The following ADGRL3 variants were observed in gnomAD, a reference collection of about 807,000 sequenced individuals.
The protein encoded by ADGRL3 is adhesion G protein-coupled receptor L3.
A neutral mutation model predicts 153.5 loss-of-function variants in ADGRL3; 62 were observed. That is an observed-to-expected ratio of 0.40 (90% confidence interval 0.33 to 0.50). The LOEUF (loss-of-function observed/expected upper bound fraction) is 0.50, where lower values mean the gene tolerates loss of function less well. Ranked by LOEUF, ADGRL3 falls within the 20% of genes least tolerant of loss-of-function variation. The pLI is 0.47. For missense variants in ADGRL3, 1,641 were observed against 1,859.4 expected, an observed-to-expected ratio of 0.88 and a Z score of 2.16; for synonymous variants, 710 against 672.5, an observed-to-expected ratio of 1.06 and a Z score of -0.86.
intron 8 of ADGRL3, among the ~76,000 whole-genome samples, chr4:61,758,604 G>T (rs1425028333): frequency 6.6e-6 from 1 of 152,098 alleles, no homozygotes; most frequent in Non-Finnish European, 1.5e-5. Flanking sequence ...CCTGAATACA[G>T]CACACTGATG....
intron 5 of ADGRL3, among the ~76,000 whole-genome samples, chr4:61,620,593 T>G (rs1463506221): frequency 6.6e-6 from 1 of 151,960 alleles, no homozygotes. Flanking sequence ...TTTAGCTGGC[T>G]TTTCTAATCT....
intron 1 of ADGRL3, among the ~76,000 whole-genome samples, chr4:61,377,705 T>G (rs1041638217): frequency 6.6e-6 from 1 of 151,982 alleles, no homozygotes; most frequent in Non-Finnish European, 1.5e-5. Context: ...TCCTCTATTC[T>G]TTCCTTCATT....
chr4:61,836,699 T>C (rs1482580989), intron 9 of ADGRL3, among the ~76,000 whole-genome samples: 1 of 152,128 alleles, frequency 6.6e-6, no homozygotes, highest in Non-Finnish European at 1.5e-5. Flanking sequence ...CGTTTTAAAA[T>C]GACTGTATTT....
intron 2 of ADGRL3, among the ~76,000 whole-genome samples, chr4:61,400,395 A>G (rs1335876892): frequency 1.3e-5 from 2 of 151,866 alleles, no homozygotes; most frequent in African/African-American, 2.4e-5. Context: ...CTTTTACGGT[A>G]TATAAAAAGA....
chr4:61,489,538 T>C (rs1365319467), intron 2 of ADGRL3, among the ~76,000 whole-genome samples: 1 of 152,024 alleles, frequency 6.6e-6, no homozygotes, highest in African/African-American at 2.4e-5. Flanking sequence ...ACAATACCAT[T>C]CTATCTAAAA....
intron 5 of ADGRL3, among the ~76,000 whole-genome samples, chr4:61,643,064 A>T (rs1414930293): frequency 3.3e-5 from 5 of 152,028 alleles, no homozygotes; most frequent in Non-Finnish European, 5.9e-5. Context: ...TGAATGGGAG[A>T]TCACTCATGA....
At chr4:61,853,732 G>A (rs2098233764) in intron 9 of ADGRL3, among the ~76,000 whole-genome samples, 1 of 152,146 alleles carries the variant, frequency 6.6e-6, no homozygotes, top group Non-Finnish European at 1.5e-5. Flanking sequence ...CATTCCTGAA[G>A]TTGATGATTA....
At chr4:61,743,921 C>T (rs888065944) in intron 8 of ADGRL3, among the ~76,000 whole-genome samples, 9 of 152,300 alleles carry the variant, frequency 5.9e-5, no homozygotes, top group African/African-American at 9.6e-5. Flanking sequence ...TTGCCTCACT[C>T]GGGAAGTGCA....
At chr4:61,990,027 T>C (rs917884138) in intron 19 of ADGRL3, among the ~76,000 whole-genome samples, 1 of 152,026 alleles carries the variant, frequency 6.6e-6, no homozygotes, top group African/African-American at 2.4e-5. Flanking sequence ...GATCCAGCAA[T>C]TCTACTCCTA....
chr4:61,925,734 C>A (rs190455264), intron 13 of ADGRL3, among the ~76,000 whole-genome samples: 138 of 152,196 alleles, frequency 9.1e-4, no homozygotes, highest in African/African-American at 3.0e-3. Flanking sequence ...GACGGCTCTG[C>A]CCCCATGACC....
At chr4:61,967,280 G>A (rs575960049) in intron 17 of ADGRL3, among the ~76,000 whole-genome samples, 2 of 151,838 alleles carry the variant, frequency 1.3e-5, no homozygotes, top group Non-Finnish European at 2.9e-5. Context: ...TTTTTTAAAA[G>A]GTAGATACAA....
At chr4:61,419,426 G>A (rs1266095607) in intron 2 of ADGRL3, among the ~76,000 whole-genome samples, 1 of 150,670 alleles carries the variant, frequency 6.6e-6, no homozygotes, top group African/African-American at 2.5e-5. Context: ...AACCCAGGGG[G>A]CAAGGTGGAA....
At chr4:61,384,887 G>A (rs2096718420) in intron 2 of ADGRL3, among the ~76,000 whole-genome samples, 1 of 152,172 alleles carries the variant, frequency 6.6e-6, no homozygotes, top group South Asian at 2.1e-4. Context: ...TATGTTAGTG[G>A]TTGCCAGAGG....
chr4:62,035,987 A>G (rs1222077815), intron 23 of ADGRL3, among the ~76,000 whole-genome samples: 1 of 152,122 alleles, frequency 6.6e-6, no homozygotes, highest in African/African-American at 2.4e-5. Context: ...CTCCCTACAG[A>G]TGCATCTTAG....
Position 62,035,207 on chromosome 4 carries a change from G to A in ADGRL3, c.3592-2524G>A, listed in dbSNP as rs79071976. 4.9e-3 allele frequency among the ~76,000 whole-genome samples: 743 copies of A among 151,994 alleles called. 2 individuals are homozygous for A. The highest frequency in any genetic ancestry group is 0.017 in the African/African-American group (707 of 41,514). On this transcript the variant is annotated intron_variant, in intron 23 of 26. Coordinates refer to ENST00000683033, the MANE Select transcript of ADGRL3 (RefSeq NM_001387552.1). ...ATTCAGTAAGTAATGTAGCTAATGC[G>A]AGACTTGGCATCACCAAATATCTTG...
intron 2 of ADGRL3, among the ~76,000 whole-genome samples, chr4:61,414,794 G>A (rs562027615): frequency 6.6e-6 from 1 of 151,650 alleles, no homozygotes; most frequent in Admixed American, 6.6e-5. Flanking sequence ...CATCTAAAGT[G>A]GTTTTTCATT....
At chr4:61,483,490 C>A (rs1291261693) in intron 2 of ADGRL3, among the ~76,000 whole-genome samples, 3 of 152,134 alleles carry the variant, frequency 2.0e-5, no homozygotes. Context: ...GTAAATCCAG[C>A]ATTTTGGGAG....
At chr4:61,508,261 T>C (rs1465855559) in intron 3 of ADGRL3, among the ~76,000 whole-genome samples, 1 of 152,192 alleles carries the variant, frequency 6.6e-6, no homozygotes, top group East Asian at 1.9e-4. Flanking sequence ...TATTTTTCCC[T>C]TTATTGATAG....
At chr4:61,299,554 C>T (rs922786140) in intron 1 of ADGRL3, among the ~76,000 whole-genome samples, 2 of 152,302 alleles carry the variant, frequency 1.3e-5, no homozygotes, top group African/African-American at 4.8e-5. Flanking sequence ...CCACCTTCTG[C>T]TGAACACTTT....
Sources: gnomAD v4.1 joint callset for allele counts (sites outside exome capture counted in the v4.1 genomes callset) on GRCh38, gnomAD v4.1.1 for gene constraint, MANE v1.5 for transcripts, NCBI Gene and HGNC (gene_info 2026-07-23, HGNC 2026-07-21) for gene names.